The following TTC27 variants were observed in gnomAD, a reference collection of about 807,000 sequenced individuals.
TTC27 encodes tetratricopeptide repeat protein 27.
TTC27 carries 79 observed loss-of-function variants against 115.9 expected under a neutral mutation model. The ratio of observed to expected loss-of-function variants is 0.68; its 90% CI spans 0.57 to 0.82. The LOEUF (loss-of-function observed/expected upper bound fraction) is 0.82. Ranked by LOEUF, TTC27 falls within the 40% of genes least tolerant of loss-of-function variation. TTC27 has a pLI of 0.00. For missense variants in TTC27, 1,054 were observed against 993.1 expected (o/e 1.06, Z -0.82); for synonymous variants, 401 against 356.0 (o/e 1.13, Z -1.42).
At chr2:32,630,974 CGG>C (rs141041346) in intron 2 of TTC27, among the ~76,000 whole-genome samples, 2,552 of 152,186 alleles carry the variant, frequency 0.017, 53 homozygotes, top group African/African-American at 0.059. Flanking sequence ...CTTTACCCAC[CGG>C]CAAAACTTCA....
At chr2:32,682,468 A>G (rs1666464851) in intron 9 of TTC27, among the ~76,000 whole-genome samples, 1 of 152,192 alleles carries the variant, frequency 6.6e-6, no homozygotes, top group African/African-American at 2.4e-5. Flanking sequence ...CAAGCAGGCT[A>G]AATGGATAAG....
chr2:32,667,244 TG>T (rs34436519), intron 7 of TTC27, among the ~76,000 whole-genome samples: 1 of 151,948 alleles, frequency 6.6e-6, no homozygotes, highest in African/African-American at 2.4e-5. Flanking sequence ...CTGTCATTAT[TG>T]GGGGGGTGGT....
At chr2:32,770,431 C>T (rs1459493681) in intron 13 of TTC27, among the ~76,000 whole-genome samples, 4 of 152,174 alleles carry the variant, frequency 2.6e-5, no homozygotes, top group Non-Finnish European at 5.9e-5. Context: ...GTTTTGCCCT[C>T]GAGGATATCA....
At chr2:32,710,150 G>T (rs1667525646) in intron 10 of TTC27, among the ~76,000 whole-genome samples, 1 of 151,898 alleles carries the variant, frequency 6.6e-6, no homozygotes, top group South Asian at 2.1e-4. Context: ...CGAGTAGCTG[G>T]GACTATAGGC....
intron 16 of TTC27, among the ~76,000 whole-genome samples, chr2:32,810,056 G>A (rs1671266158): frequency 6.6e-6 from 1 of 150,914 alleles, no homozygotes; most frequent in Non-Finnish European, 1.5e-5. Context: ...GGCGGAAGTT[G>A]TGGTGCTGAG....
At chr2:32,819,995 G>A (rs558482821) in intron 19 of TTC27, among the ~76,000 whole-genome samples, 1 of 152,352 alleles carries the variant, frequency 6.6e-6, no homozygotes, top group South Asian at 2.1e-4. Context: ...CCTAAAAGGT[G>A]TTTTCTCTGC....
chr2:32,651,091 T>G (rs977686204), intron 5 of TTC27, among the ~76,000 whole-genome samples: 27 of 151,886 alleles, frequency 1.8e-4, no homozygotes, highest in African/African-American at 6.3e-4. Flanking sequence ...TGACCATGAG[T>G]TTTTGAGTTA....
rs1666910022 is a variant in TTC27, at chr2:32,694,274, A to C, written c.1120-8533A>C. ...GTCCTTTGGGAGAAATAAATAATTG[A>C]AATTAAAGTGTTTACTATAATTAAC... On this transcript the variant is annotated intron_variant, in intron 9 of 19. Coordinates refer to ENST00000317907, the MANE Select transcript of TTC27 (RefSeq NM_017735.5). Among the ~76,000 whole-genome samples, 2 of 152,244 alleles carry C rather than the reference A, an allele frequency of 1.3e-5. 1 individual carries two copies. The highest frequency in any genetic ancestry group is 4.1e-4 in the South Asian group (2 of 4,836).
chr2:32,673,190 A>ATT (rs1279244474), intron 8 of TTC27, among the ~76,000 whole-genome samples: 1 of 126,852 alleles, frequency 7.9e-6, no homozygotes, highest in Non-Finnish European at 1.7e-5. Flanking sequence ...AGTTTGTCTG[A>ATT]TTTTTTTTTT....
chr2:32,737,616 G>A (rs925083760), intron 12 of TTC27, among the ~76,000 whole-genome samples: 1 of 152,124 alleles, frequency 6.6e-6, no homozygotes, highest in African/African-American at 2.4e-5. Flanking sequence ...AATAGTGAAA[G>A]TTGCATTTCT....
intron 2 of TTC27, among the ~76,000 whole-genome samples, chr2:32,631,290 G>A (rs1664196176): frequency 1.3e-5 from 2 of 152,006 alleles, no homozygotes; most frequent in African/African-American, 2.4e-5. Context: ...GCGACAGAGC[G>A]AGACTCTGTC....
chr2:32,715,067 T>C (rs1215487917), intron 10 of TTC27, among the ~76,000 whole-genome samples: 1 of 152,220 alleles, frequency 6.6e-6, no homozygotes. Context: ...GCAAAAGCTC[T>C]TTTGTTTAAT....
At chr2:32,755,243 G>A (rs1572580421) in intron 12 of TTC27, among the ~76,000 whole-genome samples, 1 of 152,324 alleles carries the variant, frequency 6.6e-6, no homozygotes, top group South Asian at 2.1e-4. Context: ...GCTGGGAGGT[G>A]GAGGTTGTAG....
chr2:32,662,992 C>A (rs1364792351), intron 5 of TTC27, among the ~76,000 whole-genome samples: 1 of 152,120 alleles, frequency 6.6e-6, no homozygotes, highest in Non-Finnish European at 1.5e-5. Context: ...GGAAAACCAC[C>A]TACTGAAGCC....
intron 10 of TTC27, among the ~76,000 whole-genome samples, chr2:32,716,210 T>G (rs1214299505): frequency 7.5e-6 from 1 of 132,770 alleles, no homozygotes; most frequent in African/African-American, 2.6e-5. Context: ...CAGCTCTGCA[T>G]GCCAGTACTT....
chr2:32,682,940 G>GC (rs1435152032), intron 9 of TTC27, among the ~76,000 whole-genome samples: 5 of 134,302 alleles, frequency 3.7e-5, no homozygotes, highest in African/African-American at 1.4e-4. Flanking sequence ...TGCAAGCTCC[G>GC]CCTCCCGGGT....
chr2:32,801,899 GAC>G (rs1670954859), intron 16 of TTC27, among the ~76,000 whole-genome samples: 5 of 152,182 alleles, frequency 3.3e-5, no homozygotes, highest in African/African-American at 1.2e-4. Context: ...TTTCAAAAGA[GAC>G]AAAAACTTAG....
chr2:32,702,748 A>G (rs1667229639), intron 9 of TTC27, 59 bp from the exon 10 acceptor site: 1 of 1,111,108 alleles, frequency 9.0e-7, no homozygotes, highest in African/African-American at 1.5e-5. Flanking sequence ...TGTCCTATTC[A>G]GAATGAGATC....
At chr2:32,819,902 A>G (rs1671623824) in intron 19 of TTC27, among the ~76,000 whole-genome samples, 1 of 152,218 alleles carries the variant, frequency 6.6e-6, no homozygotes, top group African/African-American at 2.4e-5. Flanking sequence ...ATGCCGATTG[A>G]TTATGATTTG....
Sources: allele counts gnomAD v4.1 joint callset (sites outside exome capture counted in the v4.1 genomes callset), GRCh38; gene constraint gnomAD v4.1.1; transcripts MANE v1.5; gene names NCBI Gene and HGNC (gene_info 2026-07-23, HGNC 2026-07-21).